CNOT4: variants seen among roughly 807,000 people sequenced by gnomAD.
CNOT4 encodes the protein CCR4-associated factor 4.
Under a neutral mutation model 73.8 loss-of-function variants are expected in CNOT4, and 8 were observed. The ratio of observed to expected loss-of-function variants is 0.11; its 90% confidence interval spans 0.06 to 0.20. The LOEUF (loss-of-function observed/expected upper bound fraction) is 0.20, where lower values mean the gene tolerates loss of function less well. CNOT4 is among the 10% of genes least tolerant of loss of function. CNOT4 has a pLI of 1.00. For synonymous variants in CNOT4, 293 were observed against 321.1 expected (o/e 0.91, Z 0.94); for missense variants, 564 against 883.4 (o/e 0.64, Z 4.58).
intron 1 of CNOT4, among the ~76,000 whole-genome samples, chr7:135,495,692 AAGAAAG>A (rs1803488738): frequency 7.1e-5 from 1 of 14,012 alleles, no homozygotes; most frequent in Non-Finnish European, 1.5e-4. Flanking sequence ...AAAAAAAAAA[AAGAAAG>A]AAAGAAAGAA....
intron 5 of CNOT4, among the ~76,000 whole-genome samples, 171 bp downstream of exon 5, chr7:135,414,160 T>C (rs1018574493): frequency 1.3e-5 from 2 of 152,022 alleles, no homozygotes; most frequent in African/African-American, 4.8e-5. Flanking sequence ...AAGAGGACCC[T>C]ACAGAAACCA....
intron 10 of CNOT4, among the ~76,000 whole-genome samples, chr7:135,374,047 C>G (rs1445213489): frequency 6.6e-6 from 1 of 152,158 alleles, no homozygotes; most frequent in Non-Finnish European, 1.5e-5. Flanking sequence ...TTGATTCCAC[C>G]TAAAATATAC....
Position 135,479,777 on chromosome 7 carries a change from C to T in CNOT4, c.-93+30112G>A, listed in dbSNP as rs565724159. On this transcript the variant is annotated intron_variant, in intron 1 of 11. Transcript: ENST00000541284. ...TCGGGCGTGGTACCTGTGGTCCCAGCTACTCGAGAGGCTGAGGCAGGAGGA... is the reference window on the plus strand; with the variant it reads ...TCGGGCGTGGTACCTGTGGTCCCAGTTACTCGAGAGGCTGAGGCAGGAGGA... 4.0e-5 allele frequency among the ~76,000 whole-genome samples: 6 copies of T among 151,884 alleles called. No homozygotes were observed. In the South Asian group the frequency reaches 1.2e-3, roughly 32 times the overall value.
At position 135,394,527 on chromosome 7, in the gene CNOT4, C is replaced by T. The variant is rs145366601; in HGVS notation, c.1130-112G>A. 14 of 878,600 alleles carry T rather than the reference C, an allele frequency of 1.6e-5. No individual in the cohort carries two copies. In the East Asian group the frequency reaches 2.4e-4, roughly 15 times the overall value. The allele number at this position is 878,600 out of a possible 1,614,324, so 54.4% of individuals were successfully genotyped here. On this transcript the variant is annotated intron_variant, in intron 9 of 11. Coordinates refer to ENST00000541284, the MANE Select transcript of CNOT4 (RefSeq NM_001190850.2). ...TGTCATTTTACAAATTAAGTAAGTG[C>T]AAAATCTATGTGACTTCTTAGCACA...
intron 1 of CNOT4, among the ~76,000 whole-genome samples, chr7:135,502,566 A>G (rs190336035): frequency 0.012 from 1,768 of 152,228 alleles, 38 homozygotes; most frequent in African/African-American, 0.04. Flanking sequence ...TGTAATCCCA[A>G]CACTTTGGGA....
At chr7:135,464,074 A>G (rs1338982333) in intron 1 of CNOT4, among the ~76,000 whole-genome samples, 1 of 151,222 alleles carries the variant, frequency 6.6e-6, no homozygotes, top group Admixed American at 6.6e-5. Context: ...AAAAGGGAAC[A>G]CTTATATTGC....
chr7:135,477,180 T>G (rs1265961335), intron 1 of CNOT4, among the ~76,000 whole-genome samples: 1 of 151,376 alleles, frequency 6.6e-6, no homozygotes, highest in Non-Finnish European at 1.5e-5. Flanking sequence ...CCGTCTCCGT[T>G]AAAAATACAA....
intron 2 of CNOT4, among the ~76,000 whole-genome samples, chr7:135,424,596 C>T (rs989893536): frequency 6.6e-6 from 1 of 151,934 alleles, no homozygotes; most frequent in Non-Finnish European, 1.5e-5. Context: ...ACCAGCCTGG[C>T]CAACATGGTA....
rs370782382 is a variant in CNOT4 at position 135,484,872 on chromosome 7, G to C, written c.-93+25017C>G. Among the ~76,000 whole-genome samples, 10 of 152,014 alleles carry C rather than the reference G, an allele frequency of 6.6e-5. No individual in the cohort carries two copies. The East Asian group carries it at 9.6e-4, about 15-fold the overall frequency. ...CAATTGCTCCAAAGAAAATGAAATA[G>C]TTAGGTATAAATCTAACAAAATACA... On this transcript the variant is annotated intron_variant, in intron 1 of 11. Transcript: ENST00000541284.
intron 1 of CNOT4, among the ~76,000 whole-genome samples, chr7:135,444,153 T>C (rs1036811840): frequency 2.3e-5 from 3 of 129,064 alleles, no homozygotes; most frequent in Non-Finnish European, 5.4e-5. Flanking sequence ...AAAATAATAA[T>C]AATAATAATA....
chr7:135,479,379 T>C (rs1802214555), intron 1 of CNOT4, among the ~76,000 whole-genome samples: 1 of 151,382 alleles, frequency 6.6e-6, no homozygotes, highest in Admixed American at 6.6e-5. Flanking sequence ...CAGCTAATTT[T>C]TGTATTTCTT....
chr7:135,456,277 A>G (rs139521333), intron 1 of CNOT4, among the ~76,000 whole-genome samples: 71 of 152,278 alleles, frequency 4.7e-4, no homozygotes, highest in African/African-American at 1.3e-3. Context: ...CCATTCTCTC[A>G]TGCCTCACAA....
At position 135,431,267 on chromosome 7, in the gene CNOT4, T is replaced by TA. The variant is rs1212277768; in HGVS notation, c.174+6890dup. ...GGGCGAAAGAGCAAGACCTTGTCTC[T>TA]AAAAAAATTTTAAAAAGCAGAGATT... On this transcript the variant is annotated intron_variant, in intron 2 of 11. Transcript: ENST00000541284. Among the ~76,000 whole-genome samples the TA allele has an allele frequency of 1.3e-5, 2 of 152,250 alleles. 1 individual carries two copies. Among genetic ancestry groups the TA allele is most frequent in the Admixed American group, 1.3e-4 (2 of 15,284 alleles).
At chr7:135,395,571 T>C (rs74840326) in intron 9 of CNOT4, 63 bp downstream of exon 9, 8 of 1,514,906 alleles carry the variant, frequency 5.3e-6, no homozygotes, top group South Asian at 5.1e-5. Flanking sequence ...ATGAGTTTCA[T>C]GTTAGTCTGT....
intron 1 of CNOT4, among the ~76,000 whole-genome samples, chr7:135,448,916 GAA>G (rs567331274): frequency 2.7e-5 from 4 of 150,110 alleles, no homozygotes; most frequent in African/African-American, 9.8e-5. Context: ...GAATAGAGAG[GAA>G]AAAAAAGAGT....
intron 10 of CNOT4, among the ~76,000 whole-genome samples, chr7:135,374,261 A>G (rs954952533): frequency 2.0e-5 from 3 of 152,214 alleles, no homozygotes; most frequent in African/African-American, 7.2e-5. Context: ...GTTATCAATG[A>G]GAGTCAAAAT....
At chr7:135,471,697 T>C (rs1801587762) in intron 1 of CNOT4, among the ~76,000 whole-genome samples, 1 of 152,228 alleles carries the variant, frequency 6.6e-6, no homozygotes, top group Admixed American at 6.5e-5. Context: ...CCATACACTC[T>C]TCCGTTCTCT....
At chr7:135,388,427 T>C in intron 10 of CNOT4, 1 of 984,786 alleles carries the variant, frequency 1.0e-6, no homozygotes, top group Non-Finnish European at 1.2e-6. Flanking sequence ...TATTATTTTT[T>C]CACAAACCAG....
intron 3 of CNOT4, among the ~76,000 whole-genome samples, chr7:135,419,809 G>A (rs1422811687): frequency 6.6e-6 from 1 of 151,222 alleles, no homozygotes; most frequent in Non-Finnish European, 1.5e-5. Flanking sequence ...TTGGGGGGCC[G>A]AGGCAGGTGG....
Sources: gnomAD v4.1 joint callset for allele counts (sites outside exome capture counted in the v4.1 genomes callset) on GRCh38, gnomAD v4.1.1 for gene constraint, MANE v1.5 for transcripts, NCBI Gene and HGNC (gene_info 2026-07-23, HGNC 2026-07-21) for gene names.